Variants in CNOT4 observed in about 807,000 individuals in gnomAD.
CNOT4 encodes the protein CCR4-NOT transcription complex subunit 4.
In CNOT4, 8 loss-of-function variants were observed where a neutral mutation model predicts 73.8. That is an observed-to-expected ratio of 0.11 (90% CI 0.06 to 0.20). The LOEUF (loss-of-function observed/expected upper bound fraction) is 0.20. Among genes scored for constraint, CNOT4 ranks in the 10% least tolerant of loss-of-function variants. The pLI is 1.00. For synonymous variants in CNOT4, 293 were observed against 321.1 expected, an observed-to-expected ratio of 0.91 and a Z score of 0.94; for missense variants, 564 against 883.4, an observed-to-expected ratio of 0.64 and a Z score of 4.58.
intron 6 of CNOT4, among the ~76,000 whole-genome samples, chr7:135,412,641 G>T (rs1239516605): frequency 6.6e-6 from 1 of 151,852 alleles, no homozygotes; most frequent in African/African-American, 2.4e-5. Context: ...GTCAAAAAAG[G>T]TAATACTCCA....
chr7:135,471,790 C>A (rs201430589), intron 1 of CNOT4, among the ~76,000 whole-genome samples: 4 of 152,182 alleles, frequency 2.6e-5, no homozygotes, highest in Non-Finnish European at 4.4e-5. Context: ...TGGCACTCCG[C>A]TAGCCAATAT....
At chr7:135,494,615 G>T (rs549374346) in intron 1 of CNOT4, among the ~76,000 whole-genome samples, 11 of 151,802 alleles carry the variant, frequency 7.2e-5, no homozygotes, top group African/African-American at 2.7e-4. Flanking sequence ...CCAGAACCTG[G>T]AATACATCAG....
intron 1 of CNOT4, among the ~76,000 whole-genome samples, chr7:135,485,220 G>C (rs777898001): frequency 1.3e-5 from 2 of 152,006 alleles, no homozygotes; most frequent in Non-Finnish European, 2.9e-5. Context: ...TTACAGGTGC[G>C]TGCCGCCACA....
Position 135,362,968 on chromosome 7 carries a change from G to T in CNOT4, c.2059C>A (p.Pro687Thr). 1.2e-6 allele frequency: 2 copies of T among 1,613,216 alleles called. No individual in the cohort carries two copies. Among genetic ancestry groups the T allele is most frequent in the East Asian group, 4.5e-5 (2 of 44,860 alleles). Residue 687 changes from proline to threonine, a missense_variant, in exon 12 of 12, where the codon CCC becomes ACC. This residue lies in a region of CNOT4 where 88 missense variants were observed against 94.7 expected (regional missense o/e 0.93). Transcript: ENST00000541284. ...PSNPSSFHSP[P>T]PGFQTAFRPP... is the part of the protein sequence containing the mutation. ...CTGAAGGCTGTCTGAAAGCCTGGGGGTGGGGAGTGGAAGCTGGAAGGGTTT... is the reference window on the plus strand; with the variant it reads ...CTGAAGGCTGTCTGAAAGCCTGGGGTTGGGGAGTGGAAGCTGGAAGGGTTT...
At chr7:135,480,738 G>A (rs1802321394) in intron 1 of CNOT4, among the ~76,000 whole-genome samples, 1 of 152,022 alleles carries the variant, frequency 6.6e-6, no homozygotes, top group African/African-American at 2.4e-5. Flanking sequence ...CTGGCTATAA[G>A]CTTAATATAC....
chr7:135,439,164 CT>C (rs1799330559), intron 1 of CNOT4, among the ~76,000 whole-genome samples: 3 of 152,236 alleles, frequency 2.0e-5, no homozygotes, highest in Admixed American at 6.5e-5. Flanking sequence ...ATATCTTAGG[CT>C]AAAGCCACTG....
At chr7:135,389,432 T>C (rs954347278) in intron 10 of CNOT4, among the ~76,000 whole-genome samples, 2 of 152,194 alleles carry the variant, frequency 1.3e-5, no homozygotes, top group East Asian at 1.9e-4. Context: ...TTTGAAGTAA[T>C]TGAAAAATAG....
chr7:135,455,532 T>C (rs1452799953), intron 1 of CNOT4, among the ~76,000 whole-genome samples: 4 of 151,504 alleles, frequency 2.6e-5, no homozygotes, highest in Non-Finnish European at 5.9e-5. Flanking sequence ...TTTAAATAAA[T>C]ACATACTTCA....
chr7:135,506,238 A>G (rs2129488384), intron 1 of CNOT4, among the ~76,000 whole-genome samples: 1 of 152,348 alleles, frequency 6.6e-6, no homozygotes, highest in South Asian at 2.1e-4. Context: ...GATAAAAACC[A>G]TTTACAAGTT....
Position 135,393,155 on chromosome 7 carries a change from A to C in CNOT4, c.1627+763T>G, listed in dbSNP as rs73725120. Among the ~76,000 whole-genome samples, 304 of 152,320 alleles carry C rather than the reference A, an allele frequency of 2.0e-3. 1 individual carries two copies. The highest frequency in any genetic ancestry group is 6.9e-3 in the African/African-American group (285 of 41,586). On this transcript the variant is annotated intron_variant, in intron 10 of 11. Coordinates refer to ENST00000541284, the MANE Select transcript of CNOT4 (RefSeq NM_001190850.2). ...TAACAAGAATAATTCCCTTGGATAT[A>C]GAAGATACTTCATCTAAAAAATGTT...
chr7:135,404,671 C>T (rs189903041), intron 7 of CNOT4, among the ~76,000 whole-genome samples: 1 of 152,234 alleles, frequency 6.6e-6, no homozygotes, highest in East Asian at 1.9e-4. Flanking sequence ...TCTGACTATA[C>T]CTTCAGTCTA....
Position 135,362,873 on chromosome 7 carries a change from G to T in CNOT4, c.*12C>A. On this transcript the variant is annotated 3_prime_UTR_variant, in exon 12 of 12. Transcript: ENST00000541284. ...ACAAATCCTGCATTTTCTAATGGTT[G>T]CTCCTCTTTGCCTAATGGCGGTCCA... 6.2e-7 allele frequency: 1 copy of T among 1,610,450 alleles called. No homozygotes were observed. The highest frequency in any genetic ancestry group is 8.5e-7 in the Non-Finnish European group (1 of 1,176,856).
chr7:135,496,968 G>C (rs1040882121), intron 1 of CNOT4, among the ~76,000 whole-genome samples: 4 of 151,746 alleles, frequency 2.6e-5, no homozygotes, highest in Non-Finnish European at 5.9e-5. Context: ...CACCAAGCCT[G>C]GATAATTATT....
intron 1 of CNOT4, among the ~76,000 whole-genome samples, chr7:135,453,826 T>A (rs370748024): frequency 3.3e-4 from 30 of 89,898 alleles, no homozygotes; most frequent in East Asian, 1.7e-3. Context: ...TATATATATT[T>A]TATATATATA....
At chr7:135,408,285 A>G (rs1411702039) in intron 7 of CNOT4, among the ~76,000 whole-genome samples, 1 of 152,178 alleles carries the variant, frequency 6.6e-6, no homozygotes, top group Non-Finnish European at 1.5e-5. Context: ...TAAAATATGA[A>G]CATATAGTGA....
chr7:135,380,890 C>T (rs1795810840), intron 10 of CNOT4, among the ~76,000 whole-genome samples: 1 of 152,128 alleles, frequency 6.6e-6, no homozygotes, highest in Non-Finnish European at 1.5e-5. Flanking sequence ...TCTGAAGTGT[C>T]ATGATTCCAA....
intron 10 of CNOT4, among the ~76,000 whole-genome samples, chr7:135,383,297 A>C (rs1005729764): frequency 6.6e-6 from 1 of 152,160 alleles, no homozygotes; most frequent in African/African-American, 2.4e-5. Flanking sequence ...TCAACTACCA[A>C]ACTCATCATA....
intron 7 of CNOT4, among the ~76,000 whole-genome samples, chr7:135,399,466 T>A (rs560338056): frequency 6.6e-6 from 1 of 152,236 alleles, no homozygotes; most frequent in Non-Finnish European, 1.5e-5. Flanking sequence ...AGAACCACCA[T>A]TGTATATGTG....
intron 10 of CNOT4, among the ~76,000 whole-genome samples, chr7:135,366,356 G>A (rs552320819): frequency 6.6e-6 from 1 of 152,316 alleles, no homozygotes; most frequent in African/African-American, 2.4e-5. Flanking sequence ...GGGGTTATAT[G>A]ACAATTCTCC....
Sources: gnomAD v4.1 joint callset for allele counts (sites outside exome capture counted in the v4.1 genomes callset) on GRCh38, gnomAD v4.1.1 for gene constraint, gnomAD v4.1.1 regional missense constraint, MANE v1.5 for transcripts, NCBI Gene and HGNC (gene_info 2026-07-23, HGNC 2026-07-21) for gene names.